The following RYR3 variants were observed in gnomAD, a reference collection of about 807,000 sequenced individuals.
RYR3 encodes the protein brain ryanodine receptor-calcium release channel.
A neutral mutation model predicts 584.3 loss-of-function variants in RYR3; 207 were observed. That is an observed-to-expected ratio of 0.35 (90% CI 0.32 to 0.40). The LOEUF (loss-of-function observed/expected upper bound fraction) is 0.40. Among genes scored for constraint, RYR3 ranks in the 10% least tolerant of loss-of-function variants. The probability of loss-of-function intolerance (pLI) is 1.00; values close to 1 mark genes in which losing one functional copy is unlikely to be tolerated. For synonymous variants in RYR3, 2,416 were observed against 2,248.5 expected, an observed-to-expected ratio of 1.07 and a Z score of -2.11; for missense variants, 5,616 against 6,089.2, an observed-to-expected ratio of 0.92 and a Z score of 2.59.
At chr15:33,450,860 C>G (rs2047072835) in intron 1 of RYR3, among the ~76,000 whole-genome samples, 1 of 152,164 alleles carries the variant, frequency 6.6e-6, no homozygotes, top group East Asian at 1.9e-4. Context: ...CTCAAGGCCC[C>G]AAGGTAGGAC....
chr15:33,864,526 G>C (rs919440469), intron 103 of RYR3, among the ~76,000 whole-genome samples: 8 of 152,172 alleles, frequency 5.3e-5, no homozygotes, highest in Non-Finnish European at 1.2e-4. Flanking sequence ...AGAGTACAAC[G>C]GAGTGAGAGA....
At chr15:33,634,500 G>T in intron 24 of RYR3, 86 bp from the exon 25 acceptor site, 1 of 1,403,560 alleles carries the variant, frequency 7.1e-7, no homozygotes. Flanking sequence ...AGAAAGCCAG[G>T]ACTGTTGCTG....
chr15:33,472,494 G>C (rs2049011070), intron 1 of RYR3, among the ~76,000 whole-genome samples: 1 of 152,158 alleles, frequency 6.6e-6, no homozygotes, highest in African/African-American at 2.4e-5. Context: ...GCTCCAGCTG[G>C]CTCCCCCAGG....
At chr15:33,675,852 G>A (rs1352382696) in intron 38 of RYR3, among the ~76,000 whole-genome samples, 1 of 152,114 alleles carries the variant, frequency 6.6e-6, no homozygotes, top group Non-Finnish European at 1.5e-5. Flanking sequence ...GCCCTTACCA[G>A]CTTTGTGTAG....
At position 33,756,391 on chromosome 15, in the gene RYR3, TAATC is replaced by T. The variant is rs1567104388; in HGVS notation, c.8583+21_8583+24del. 1 of 1,531,106 alleles carries T rather than the reference TAATC, an allele frequency of 6.5e-7. No individual in the cohort carries two copies. 94.8% of individuals were successfully genotyped at this position (1,531,106 alleles called of 1,614,324 possible). On this transcript the variant is annotated intron_variant, in intron 59 of 103. Transcript: ENST00000634891. ...TTGCCAAAGTAAGTGGCCCTGCACT[TAATC>T]AAATTACTTTCTTCTTAGGATCTCT...
At chr15:33,473,275 T>C in intron 1 of RYR3, 144 bp from the exon 2 acceptor site, 1 of 936,684 alleles carries the variant, frequency 1.1e-6, no homozygotes, top group Non-Finnish European at 1.7e-6. Flanking sequence ...AAAATCTCCT[T>C]CCGTAATCAG....
At chr15:33,854,630 C>A (rs905628545) in intron 97 of RYR3, 136 bp from the exon 98 acceptor site, 2 of 1,206,294 alleles carry the variant, frequency 1.7e-6, no homozygotes, top group South Asian at 1.5e-5. Context: ...CTTAGCAGAT[C>A]TTGGGCCAGC....
At chr15:33,508,973 C>CT (rs2052724512) in intron 3 of RYR3, among the ~76,000 whole-genome samples, 1 of 152,112 alleles carries the variant, frequency 6.6e-6, no homozygotes, top group African/African-American at 2.4e-5. Flanking sequence ...TGTAAACGGC[C>CT]AGTGAAGCGT....
At chr15:33,402,743 A>C (rs1349951629) in intron 1 of RYR3, among the ~76,000 whole-genome samples, 2 of 152,236 alleles carry the variant, frequency 1.3e-5, no homozygotes, top group Admixed American at 1.3e-4. Flanking sequence ...CCAGGACGAC[A>C]ATGACTCAAG....
At chr15:33,864,446 C>A (rs1889722430) in intron 103 of RYR3, among the ~76,000 whole-genome samples, 1 of 152,032 alleles carries the variant, frequency 6.6e-6, no homozygotes, top group Non-Finnish European at 1.5e-5. Context: ...ATTACAGAGA[C>A]AATATGAAAT....
chr15:33,853,018 A>C (rs2079264431), intron 94 of RYR3, 27 bp from the exon 95 acceptor site: 1 of 1,593,796 alleles, frequency 6.3e-7, no homozygotes, highest in Non-Finnish European at 8.6e-7. Context: ...AGAATGAAGA[A>C]CCAACCTTTT....
chr15:33,603,214 T>A lies in RYR3; in HGVS notation c.2014T>A (p.Phe672Ile). ...GCTGATTATCGACCAGGTGGACCCC[T>A]TCCTAACAGCAGAGCCCACACATCT... ...FELIIDQVDP[F>I]LTAEPTHLRV... The change falls in exon 18 of 104, where the codon TTC becomes ATC. Residue 672 changes from phenylalanine to isoleucine, a missense_variant. By Grantham distance (21) the Phe-to-Ile change is conservative. Coordinates refer to ENST00000634891, the MANE Select transcript of RYR3 (RefSeq NM_001036.6). The A allele has an allele frequency of 1.2e-6, 2 of 1,613,912 alleles. No individual in the cohort carries two copies. The highest frequency in any genetic ancestry group is 1.7e-6 in the Non-Finnish European group (2 of 1,179,858).
chr15:33,351,767 A>G (rs550053358), intron 1 of RYR3, among the ~76,000 whole-genome samples: 81 of 151,656 alleles, frequency 5.3e-4, no homozygotes, highest in Non-Finnish European at 6.6e-4. Flanking sequence ...TCTCAAAATA[A>G]TAACAGCTAT....
intron 64 of RYR3, among the ~76,000 whole-genome samples, chr15:33,777,039 A>C (rs1336837012): frequency 6.6e-6 from 1 of 152,218 alleles, no homozygotes; most frequent in Non-Finnish European, 1.5e-5. Context: ...AATTTTTTAA[A>C]TCAGCCAGTC....
chr15:33,546,862 A>G (rs1449131696), intron 8 of RYR3, among the ~76,000 whole-genome samples: 3 of 152,232 alleles, frequency 2.0e-5, no homozygotes, highest in African/African-American at 7.2e-5. Flanking sequence ...TCTTGTCTCT[A>G]ACATCTAAAT....
At position 33,644,515 on chromosome 15, in the gene RYR3, T is replaced by G; in HGVS notation, c.3761T>G (p.Ile1254Arg). Residue 1254 changes from isoleucine to arginine, a missense_variant, in exon 28 of 104, where the codon ATA (isoleucine) becomes AGA (arginine). Transcript: ENST00000634891. ...FVNVPKDHPH[I>R]EVMRIDGTMD... is the part of the protein sequence containing the mutation. The stretch of plus-strand genomic sequence containing the variant: ...AACGTGCCAAAGGATCATCCACACA[T>G]AGAGGTAATGTTACACAATGTGTGT... 6.2e-7 allele frequency: 1 copy of G among 1,612,388 alleles called. No homozygotes were observed. Among genetic ancestry groups the G allele is most frequent in the Non-Finnish European group, 8.5e-7 (1 of 1,178,692 alleles).
chr15:33,472,115 CTT>C (rs1447907466), intron 1 of RYR3, among the ~76,000 whole-genome samples: 4 of 152,214 alleles, frequency 2.6e-5, no homozygotes, highest in Middle Eastern at 3.2e-3. Flanking sequence ...TTCTGACTCA[CTT>C]AGATAATGAA....
intron 1 of RYR3, among the ~76,000 whole-genome samples, chr15:33,318,908 C>T (rs753841928): frequency 6.6e-6 from 1 of 152,156 alleles, no homozygotes; most frequent in Non-Finnish European, 1.5e-5. Flanking sequence ...TTCATTAACA[C>T]GTCACTCATA....
At chr15:33,402,058 G>T (rs1309211261) in intron 1 of RYR3, among the ~76,000 whole-genome samples, 1 of 152,122 alleles carries the variant, frequency 6.6e-6, no homozygotes, top group Non-Finnish European at 1.5e-5. Flanking sequence ...AAGCCAAACA[G>T]CTAAAATCTT....
Sources: gnomAD v4.1 joint callset for allele counts (sites outside exome capture counted in the v4.1 genomes callset) on GRCh38, gnomAD v4.1.1 for gene constraint, MANE v1.5 for transcripts, NCBI Gene and HGNC (gene_info 2026-07-23, HGNC 2026-07-21) for gene names.